AFG1L: variants seen among roughly 807,000 people sequenced by gnomAD.
AFG1L encodes the protein AFG1-like ATPase.
Under a neutral mutation model 62.2 loss-of-function variants are expected in AFG1L, and 53 were observed. The ratio of observed to expected loss-of-function variants is 0.85; its 90% confidence interval spans 0.68 to 1.07. The LOEUF (loss-of-function observed/expected upper bound fraction) is 1.07. AFG1L is among the 50% of genes least tolerant of loss of function. AFG1L has a pLI of 0.00. For missense variants in AFG1L, 555 were observed against 590.5 expected, an observed-to-expected ratio of 0.94 and a Z score of 0.62; for synonymous variants, 228 against 210.3, an observed-to-expected ratio of 1.08 and a Z score of -0.73.
chr6:108,373,869 C>T (rs749307423), intron 6 of AFG1L, among the ~76,000 whole-genome samples: 17 of 152,108 alleles, frequency 1.1e-4, no homozygotes, highest in South Asian at 4.1e-4. Context: ...TGAGCCACTG[C>T]GCCTGGCCGG....
intron 1 of AFG1L, among the ~76,000 whole-genome samples, chr6:108,308,219 G>A (rs1011760548): frequency 6.6e-6 from 1 of 152,076 alleles, no homozygotes. Context: ...GTACAATCAT[G>A]GTTCACTGCA....
chr6:108,320,583 T>C (rs1042076714), intron 1 of AFG1L, among the ~76,000 whole-genome samples: 3 of 152,168 alleles, frequency 2.0e-5, no homozygotes, highest in Non-Finnish European at 2.9e-5. Context: ...TTAGTTTCTA[T>C]AGGGAACATC....
At chr6:108,423,969 A>C (rs1770709091) in intron 7 of AFG1L, among the ~76,000 whole-genome samples, 1 of 152,162 alleles carries the variant, frequency 6.6e-6, no homozygotes, top group Non-Finnish European at 1.5e-5. Context: ...AATAACTTAA[A>C]TCTTTATAAT....
intron 8 of AFG1L, among the ~76,000 whole-genome samples, chr6:108,474,573 C>T: frequency 6.6e-6 from 1 of 152,154 alleles, no homozygotes; most frequent in Non-Finnish European, 1.5e-5. Context: ...TAATAATCGC[C>T]ATTCTAACTG....
At chr6:108,479,451 C>T (rs1773249248) in intron 10 of AFG1L, among the ~76,000 whole-genome samples, 1 of 152,114 alleles carries the variant, frequency 6.6e-6, no homozygotes, top group South Asian at 2.1e-4. Context: ...TACACAAGCA[C>T]TGAATGACCT....
chr6:108,474,087 T>C (rs568154392), intron 8 of AFG1L, among the ~76,000 whole-genome samples: 2 of 152,270 alleles, frequency 1.3e-5, no homozygotes, highest in African/African-American at 4.8e-5. Flanking sequence ...CATGTGTCCA[T>C]GTGTTCTCAT....
intron 6 of AFG1L, among the ~76,000 whole-genome samples, chr6:108,381,335 A>G (rs1780507346): frequency 6.6e-6 from 1 of 152,088 alleles, no homozygotes; most frequent in African/African-American, 2.4e-5. Context: ...ACATACAAGT[A>G]GATACATTTT....
At chr6:108,422,388 T>C (rs1331266748) in intron 7 of AFG1L, among the ~76,000 whole-genome samples, 1 of 148,906 alleles carries the variant, frequency 6.7e-6, no homozygotes. Flanking sequence ...AAACAATAAG[T>C]CACCTAAAAT....
intron 1 of AFG1L, among the ~76,000 whole-genome samples, chr6:108,306,060 C>T (rs566578948): frequency 5.3e-5 from 8 of 152,202 alleles, no homozygotes; most frequent in African/African-American, 1.7e-4. Flanking sequence ...CCTGTCACCA[C>T]GCCTGGCTAA....
At chr6:108,488,033 G>A (rs563949105) in intron 10 of AFG1L, among the ~76,000 whole-genome samples, 1 of 152,302 alleles carries the variant, frequency 6.6e-6, no homozygotes, top group African/African-American at 2.4e-5. Context: ...ATGTCCAGTG[G>A]ACCAGCAAGT....
intron 10 of AFG1L, among the ~76,000 whole-genome samples, chr6:108,493,989 C>T: frequency 6.6e-6 from 1 of 152,018 alleles, no homozygotes; most frequent in East Asian, 1.9e-4. Flanking sequence ...TGCCACCATG[C>T]CTTGCTAATT....
At position 108,515,144 on chromosome 6, in the gene AFG1L, G is replaced by A. The variant is rs202039915; in HGVS notation, c.1204-4553G>A. On this transcript the variant is annotated intron_variant, in intron 11 of 12. Coordinates refer to ENST00000368977, the MANE Select transcript of AFG1L (RefSeq NM_145315.5). ...AATTGAACTCAGCTCTGCACCAAGC[G>A]GACCTAATAGACATCTACAGAACTC... 9.9e-4 allele frequency among the ~76,000 whole-genome samples: 151 copies of A among 152,168 alleles called. 1 individual carries two copies. Among genetic ancestry groups the A allele is most frequent in the African/African-American group, 2.8e-3 (115 of 41,502 alleles).
chr6:108,376,891 G>A (rs865928528), intron 6 of AFG1L, among the ~76,000 whole-genome samples: 124 of 152,168 alleles, frequency 8.1e-4, no homozygotes, highest in African/African-American at 2.8e-3. Flanking sequence ...AAGTTTATAG[G>A]TACTTGTTTT....
At position 108,369,104 on chromosome 6, in the gene AFG1L, T is replaced by A. The variant is rs1779881212; in HGVS notation, c.748+2772T>A. Among the ~76,000 whole-genome samples, 6 of 152,260 alleles carry A rather than the reference T, an allele frequency of 3.9e-5. No individual in the cohort carries two copies. The South Asian group carries it at 1.2e-3, about 32-fold the overall frequency. On this transcript the variant is annotated intron_variant, in intron 6 of 12. Transcript: ENST00000368977. Reference sequence around the variant, plus strand: ...AAGTAATGAAGATGACATGTATATGTGTGCGTGTGTGTGTGTATAATTTTA... The same window carrying A: ...AAGTAATGAAGATGACATGTATATGAGTGCGTGTGTGTGTGTATAATTTTA...
At chr6:108,330,000 G>C (rs188316131) in intron 2 of AFG1L, among the ~76,000 whole-genome samples, 1 of 151,886 alleles carries the variant, frequency 6.6e-6, no homozygotes, top group African/African-American at 2.4e-5. Flanking sequence ...AAGTGGGACC[G>C]GTGGCTTTAT....
Position 108,510,244 on chromosome 6 carries a change from A to G in AFG1L, c.1095A>G (p.Ser365=), listed in dbSNP as rs1355337764. 8 of 1,611,586 alleles carry G rather than the reference A, an allele frequency of 5.0e-6. No individual in the cohort carries two copies. The highest frequency in any genetic ancestry group is 5.9e-6 in the Non-Finnish European group (7 of 1,179,054). Reference sequence around the variant, plus strand: ...GAGCCAGTGACTATTTGGAACTATCAAAGAATTTTGATACAATATTTTTAC... The same window carrying G: ...GAGCCAGTGACTATTTGGAACTATCGAAGAATTTTGATACAATATTTTTAC... ...PLGASDYLEL[S]KNFDTIFLRN... Residue 365 remains serine, a synonymous_variant, in exon 11 of 13, where the codon TCA becomes TCG. Transcript: ENST00000368977.
At chr6:108,313,330 G>A (rs1299723883) in intron 1 of AFG1L, among the ~76,000 whole-genome samples, 1 of 152,142 alleles carries the variant, frequency 6.6e-6, no homozygotes, top group East Asian at 1.9e-4. Context: ...CATCTTTAAA[G>A]TAGGGATAAT....
intron 7 of AFG1L, among the ~76,000 whole-genome samples, chr6:108,414,792 A>G (rs1157599723): frequency 3.3e-5 from 5 of 152,200 alleles, no homozygotes; most frequent in Admixed American, 2.6e-4. Context: ...AGAGCTATTT[A>G]TGACAAACCC....
chr6:108,373,251 C>G (rs1274517009), intron 6 of AFG1L, among the ~76,000 whole-genome samples: 1 of 152,004 alleles, frequency 6.6e-6, no homozygotes, highest in African/African-American at 2.4e-5. Flanking sequence ...CATGAGTACC[C>G]GATGTCTAGC....
Sources: allele counts gnomAD v4.1 joint callset (sites outside exome capture counted in the v4.1 genomes callset), GRCh38; gene constraint gnomAD v4.1.1; transcripts MANE v1.5; gene names NCBI Gene and HGNC (gene_info 2026-07-23, HGNC 2026-07-21).